WSB1: variants seen among roughly 807,000 people sequenced by gnomAD.
The protein encoded by WSB1 is WD repeat and SOCS box-containing protein 1.
In WSB1, 23 loss-of-function variants were observed where a neutral mutation model predicts 50.2. The ratio of observed to expected loss-of-function variants is 0.46; its 90% CI spans 0.33 to 0.65. The LOEUF (loss-of-function observed/expected upper bound fraction) is 0.65, where lower values mean the gene tolerates loss of function less well. WSB1 is among the 30% of genes least tolerant of loss of function. The pLI, the probability that WSB1 is intolerant of heterozygous loss-of-function variation, is 0.02. For missense variants in WSB1, 492 were observed against 522.3 expected (o/e 0.94, Z 0.56); for synonymous variants, 179 against 172.0 (o/e 1.04, Z -0.32).
At chr17:27,300,023 A>G (rs1466279199) in intron 1 of WSB1, among the ~76,000 whole-genome samples, 1 of 152,186 alleles carries the variant, frequency 6.6e-6, no homozygotes, top group East Asian at 1.9e-4. Flanking sequence ...TGGGCAGATA[A>G]CATATTTAAA....
chr17:27,305,633 A>T (rs900234144), intron 4 of WSB1, among the ~76,000 whole-genome samples: 27 of 152,326 alleles, frequency 1.8e-4, no homozygotes, highest in Middle Eastern at 3.4e-3. Flanking sequence ...CCTAGGGGTA[A>T]TAAAGCTTAA....
At chr17:27,309,828 G>A (rs1395581121) in intron 6 of WSB1, among the ~76,000 whole-genome samples, 1 of 152,140 alleles carries the variant, frequency 6.6e-6, no homozygotes, top group Non-Finnish European at 1.5e-5. Context: ...TGATCCACCT[G>A]CCTTAACCTC....
intron 6 of WSB1, 32 bp downstream of exon 6, chr17:27,309,304 A>AT (rs764265106): frequency 6.8e-7 from 1 of 1,470,720 alleles, no homozygotes; most frequent in Admixed American, 2.1e-5. Flanking sequence ...TTAGTCTATA[A>AT]TTCATCTCCA....
At chr17:27,304,307 T>G (rs2017354117) in intron 3 of WSB1, among the ~76,000 whole-genome samples, 1 of 152,034 alleles carries the variant, frequency 6.6e-6, no homozygotes. Flanking sequence ...TTAAATACAT[T>G]TTTTTTCACT....
chr17:27,302,088 C>CT, intron 2 of WSB1, 132 bp downstream of exon 2: 1 of 1,150,716 alleles, frequency 8.7e-7, no homozygotes, highest in Non-Finnish European at 1.2e-6. Context: ...TAATCATGGG[C>CT]TGAATATATT....
chr17:27,294,407 TC>T lies in WSB1; in HGVS notation c.17del (p.Pro6ArgfsTer9). The T allele has an allele frequency of 6.2e-7, 1 of 1,613,576 alleles. No individual in the cohort carries two copies. Among genetic ancestry groups the T allele is most frequent in the Non-Finnish European group, 8.5e-7 (1 of 1,179,720 alleles). ...ACGGTGCCCCATAGATGGCCAGCTT[TC>T]CCCCGAGGGTCAACGAGAAAGAGAT... is the stretch of plus-strand genomic sequence containing the variant. MASF[P>X]PRVNEKEIVR... On this transcript the variant is annotated frameshift_variant, in exon 1 of 9. Coordinates refer to ENST00000262394, the MANE Select transcript of WSB1 (RefSeq NM_015626.10). LOFTEE classifies it high-confidence loss of function.
intron 7 of WSB1, 124 bp downstream of exon 7, chr17:27,310,298 T>C: frequency 1.2e-6 from 1 of 801,186 alleles, no homozygotes. Context: ...GGAGATTTTG[T>C]TGTGTCTTAA....
At position 27,315,097 on chromosome 17, in the gene WSB1, A is replaced by G. The variant is rs2150848377; in HGVS notation, c.*2728A>G. ...ATATGTCAAGTAGAAACATGTTTGA[A>G]TTTTCCATTTGTCTGTGGGGAAGAA... On this transcript the variant is annotated 3_prime_UTR_variant, in exon 9 of 9. Transcript: ENST00000262394. The G allele has an allele frequency of 6.6e-6, 1 of 152,284 alleles. No individual in the cohort carries two copies. The highest frequency in any genetic ancestry group is 1.9e-4 in the East Asian group (1 of 5,188). The allele number at this position is 152,284 out of a possible 1,614,324, so 9.4% of individuals were successfully genotyped here. A position where few individuals can be genotyped will look rare whatever the true frequency, so the allele number is the denominator to read the frequency against.
At position 27,309,230 on chromosome 17, in the gene WSB1, A is replaced by G. The variant is rs1457983015; in HGVS notation, c.842A>G (p.Tyr281Cys). Reference sequence around the variant, plus strand: ...ACTGCATCTTATGATACTCGAGTATATATCTGGGATCCACATAATGGAGAC... The same window carrying G: ...ACTGCATCTTATGATACTCGAGTATGTATCTGGGATCCACATAATGGAGAC... ...LATASYDTRV[Y>C]IWDPHNGDIL... is the part of the protein sequence containing the mutation. The change falls in exon 6 of 9, where the codon TAT (tyrosine) becomes TGT (cysteine). Residue 281 changes from tyrosine to cysteine, a missense_variant. By Grantham distance (194) the Tyr-to-Cys change is radical. Transcript: ENST00000262394. The G allele has an allele frequency of 1.2e-6, 2 of 1,611,662 alleles. No individual in the cohort carries two copies. Among genetic ancestry groups the G allele is most frequent in the South Asian group, 2.2e-5 (2 of 90,772 alleles).
rs527829618 is a variant in WSB1, at chr17:27,306,245, C to A, written c.611-537C>A. 1.5e-3 allele frequency among the ~76,000 whole-genome samples: 180 copies of A among 121,652 alleles called. 2 individuals are homozygous for A. The South Asian group carries it at 0.046, about 31-fold the overall frequency. The allele number at this position is 121,652 out of a possible 152,430, so 79.8% of individuals were successfully genotyped here. ...TTTTTTTTTTTGAGATGGAGTCTCG[C>A]TCTTTCGCCCAGGCTGGAGTGCAGC... is the stretch of plus-strand genomic sequence containing the variant. On this transcript the variant is annotated intron_variant, in intron 4 of 8. Coordinates refer to ENST00000262394, the MANE Select transcript of WSB1 (RefSeq NM_015626.10).
chr17:27,307,101 A>C, intron 5 of WSB1: 1 of 532,388 alleles, frequency 1.9e-6, no homozygotes, highest in African/African-American at 1.9e-5. Flanking sequence ...ATAGATAATA[A>C]TGGGCATATC....
At position 27,294,349 on chromosome 17, in the gene WSB1, G is replaced by A. The variant is rs537128551; in HGVS notation, c.-47G>A. 1.7e-5 allele frequency: 27 copies of A among 1,610,688 alleles called. No individual in the cohort carries two copies. In the East Asian group the frequency reaches 6.0e-4, roughly 36 times the overall value. On this transcript the variant is annotated 5_prime_UTR_variant, in exon 1 of 9. Transcript: ENST00000262394. ...CTCAGCGGTCGCCACTCTCTTCTCTGTTGTTGGGTCCGCATCGTATTCCCG... is the reference window on the plus strand; with the variant it reads ...CTCAGCGGTCGCCACTCTCTTCTCTATTGTTGGGTCCGCATCGTATTCCCG...
intron 1 of WSB1, among the ~76,000 whole-genome samples, chr17:27,295,887 G>T (rs1210740772): frequency 1.3e-5 from 2 of 151,364 alleles, no homozygotes; most frequent in African/African-American, 4.9e-5. Context: ...GCCCAGGCTG[G>T]AGTGCAATGG....
At chr17:27,300,091 T>C (rs1479990889) in intron 1 of WSB1, among the ~76,000 whole-genome samples, 1 of 147,996 alleles carries the variant, frequency 6.8e-6, no homozygotes, top group Non-Finnish European at 1.5e-5. Flanking sequence ...AAATATTTAC[T>C]GAGCACCTGT....
Position 27,304,918 on chromosome 17 carries a change from C to CT in WSB1, c.610+13dup. The CT allele has an allele frequency of 3.1e-6, 5 of 1,613,504 alleles. No individual in the cohort carries two copies. The highest frequency in any genetic ancestry group is 4.2e-6 in the Non-Finnish European group (5 of 1,179,684). ...TGGGACCTGAAAGATGATGGTATGT[C>CT]TTTTTTCCAAGCTATGAACTAGGAT... is the stretch of plus-strand genomic sequence containing the variant. On this transcript the variant is annotated splice_region_variant and intron_variant, in intron 4 of 8. Coordinates refer to ENST00000262394, the MANE Select transcript of WSB1 (RefSeq NM_015626.10).
rs886282784 is a variant in WSB1 at position 27,300,171 on chromosome 17, G to A, written c.41-1617G>A. Among the ~76,000 whole-genome samples, 60 of 150,948 alleles carry A rather than the reference G, an allele frequency of 4.0e-4. 1 individual carries two copies. The highest frequency in any genetic ancestry group is 1.2e-3 in the Admixed American group (18 of 15,078). On this transcript the variant is annotated intron_variant, in intron 1 of 8. Coordinates refer to ENST00000262394, the MANE Select transcript of WSB1 (RefSeq NM_015626.10). ...GGCTGAAGAAGTACATTTTGGGGGT[G>A]GGTGTGTCCATGTCCAGGTTCTCTA...
chr17:27,294,230 G>C lies in WSB1; in HGVS notation c.-166G>C, dbSNP rs2016847429. 5.8e-6 allele frequency: 5 copies of C among 865,780 alleles called. No homozygotes were observed. Among genetic ancestry groups the C allele is most frequent in the Non-Finnish European group, 8.9e-6 (5 of 563,804 alleles). The allele number at this position is 865,780 out of a possible 1,614,324, so 53.6% of individuals were successfully genotyped here. A position where few individuals can be genotyped will look rare whatever the true frequency, so the allele number is the denominator to read the frequency against. The stretch of plus-strand genomic sequence containing the variant: ...GTACTTTGGTCTGAGGCCTTCGGGA[G>C]CTTTCCCGAGGCAGTTAGCAGAAGC... On this transcript the variant is annotated 5_prime_UTR_variant, in exon 1 of 9. Transcript: ENST00000262394.
rs1305286633 is a variant in WSB1 at position 27,304,886 on chromosome 17, C to CAG, written c.588_589dup (p.Val197GlufsTer5). The CAG allele has an allele frequency of 3.7e-6, 6 of 1,614,008 alleles. No individual in the cohort carries two copies. Among genetic ancestry groups the CAG allele is most frequent in the African/African-American group, 1.3e-5 (1 of 75,026 alleles). ...TGTCAGCTTCAAGAGACAAAACTCTCAGAGTATGGGACCTGAAAGATGATG... is the reference window on the plus strand; with the variant it reads ...TGTCAGCTTCAAGAGACAAAACTCTCAGAGAGTATGGGACCTGAAAGATGATG... On this transcript the variant is annotated frameshift_variant, in exon 4 of 9. Coordinates refer to ENST00000262394, the MANE Select transcript of WSB1 (RefSeq NM_015626.10). LOFTEE classifies it high-confidence loss of function.
chr17:27,309,358 C>T lies in WSB1; in HGVS notation c.884+86C>T, dbSNP rs575414273. 151 of 1,121,838 alleles carry T rather than the reference C, an allele frequency of 1.3e-4. No individual in the cohort carries two copies. In the African/African-American group the frequency reaches 2.0e-3, roughly 15 times the overall value. The allele number at this position is 1,121,838 out of a possible 1,614,324, so 69.5% of individuals were successfully genotyped here. Reference sequence around the variant, plus strand: ...TAATTACAATCACCAATATATGCAACCTAAAATTACAGTCTATTCTAATTT... The same window carrying T: ...TAATTACAATCACCAATATATGCAATCTAAAATTACAGTCTATTCTAATTT... On this transcript the variant is annotated intron_variant, in intron 6 of 8. Transcript: ENST00000262394.
Sources: allele counts gnomAD v4.1 joint callset (sites outside exome capture counted in the v4.1 genomes callset), GRCh38; gene constraint gnomAD v4.1.1; transcripts MANE v1.5; gene names NCBI Gene and HGNC (gene_info 2026-07-23, HGNC 2026-07-21).